The following E4F1 variants were observed in gnomAD, a reference collection of about 807,000 sequenced individuals.
E4F1 encodes E4F transcription factor 1.
Under a neutral mutation model 72.9 loss-of-function variants are expected in E4F1, and 30 were observed. The ratio of observed to expected loss-of-function variants is 0.41; its 90% CI spans 0.31 to 0.56. The LOEUF is 0.56. Among genes scored for constraint, E4F1 ranks in the 20% least tolerant of loss-of-function variants. The pLI is 0.25. For missense variants in E4F1, 1,091 were observed against 1,117.5 expected (o/e 0.98, Z 0.34); for synonymous variants, 542 against 478.2 (o/e 1.13, Z -1.74).
Position 2,232,865 on chromosome 16 carries a change from T to C in E4F1, c.840T>C (p.Ser280=), listed in dbSNP as rs748279043. The C allele has an allele frequency of 6.8e-6, 11 of 1,613,228 alleles. No individual in the cohort carries two copies. Among genetic ancestry groups the C allele is most frequent in the Admixed American group, 1.7e-5 (1 of 59,998 alleles). Residue 280 remains serine, a synonymous_variant, in exon 6 of 14, where the codon AGT becomes AGC. Transcript: ENST00000301727. ...CCTGCACAGAGAAAATCCGCTTCAG[T>C]GTGAGCAAGGACGTGGTTGTCAGCA... ...LTPCTEKIRF[S]VSKDVVVSKE... is the part of the protein sequence containing the mutation.
Position 2,233,601 on chromosome 16 carries a change from T to G in E4F1, c.1220T>G (p.Val407Gly). ...AAGSSPQPLA[V>G]AAPQLPVLEV... ...GGGTCCAGTCCCCAGCCCCTGGCAG[T>G]GGCAGCCCCGCAGCTGCCGGTACTG... Residue 407 changes from valine (V) to glycine (G), a missense_variant, in exon 8 of 14, where the codon GTG becomes GGG. By Grantham distance (109) the Val-to-Gly change is moderately radical. Transcript: ENST00000301727. The G allele has an allele frequency of 1.3e-6, 2 of 1,509,414 alleles. No homozygotes were observed. Among genetic ancestry groups the G allele is most frequent in the Non-Finnish European group, 8.9e-7 (1 of 1,127,710 alleles). The allele number at this position is 1,509,414 out of a possible 1,614,324, so 93.5% of individuals were successfully genotyped here. A position where few individuals can be genotyped will look rare whatever the true frequency, so the allele number is the denominator to read the frequency against.
At chr16:2,234,116 C>T (rs1555479284) in intron 9 of E4F1, 55 bp from the exon 10 acceptor site, 15 of 1,587,914 alleles carry the variant, frequency 9.4e-6, no homozygotes, top group South Asian at 3.4e-5. Context: ...AGGTGGCAGG[C>T]GGCCTGGCGG....
At chr16:2,226,032 G>T (rs1353906521) in intron 1 of E4F1, among the ~76,000 whole-genome samples, 1 of 151,980 alleles carries the variant, frequency 6.6e-6, no homozygotes, top group Non-Finnish European at 1.5e-5. Context: ...GGCAGAGCTT[G>T]CAGTGAGCTG....
Position 2,228,411 on chromosome 16 carries a change from A to G in E4F1, c.197A>G (p.Glu66Gly). The change falls in exon 2 of 14, where the codon GAG becomes GGG. Residue 66 changes from glutamate to glycine, a missense_variant. Glu to Gly is a moderately conservative substitution (Grantham distance 98). Transcript: ENST00000301727. ...CACAGATGCGGCCGCTGCCAGGCAG[A>G]GTTCACCGCCTTGGAGGATTTTGTT... Reference protein sequence around the residue: ...DVHRCGRCQAEFTALEDFVQH... With the variant: ...DVHRCGRCQAGFTALEDFVQH... 1 of 1,613,806 alleles carries G rather than the reference A, an allele frequency of 6.2e-7. No homozygotes were observed. Among genetic ancestry groups the G allele is most frequent in the Non-Finnish European group, 8.5e-7 (1 of 1,180,022 alleles).
intron 1 of E4F1, among the ~76,000 whole-genome samples, chr16:2,227,703 A>G (rs2093440334): frequency 6.6e-6 from 1 of 151,542 alleles, no homozygotes; most frequent in Non-Finnish European, 1.5e-5. Flanking sequence ...ATTTCACCAT[A>G]TTGGTCAGGC....
chr16:2,231,323 C>T (rs35436732), intron 3 of E4F1: 6,595 of 152,462 alleles, frequency 0.043, 196 homozygotes, highest in East Asian at 0.066. Context: ...TCCCCCAGGT[C>T]CTCCCCATCA....
intron 1 of E4F1, among the ~76,000 whole-genome samples, chr16:2,225,567 G>A (rs2093426252): frequency 6.6e-6 from 1 of 150,492 alleles, no homozygotes; most frequent in Non-Finnish European, 1.5e-5. Flanking sequence ...TCCGCCTCCC[G>A]GGTTCAAGCT....
At chr16:2,228,160 G>C in intron 1 of E4F1, 1 of 645,332 alleles carries the variant, frequency 1.5e-6, no homozygotes, top group Non-Finnish European at 2.8e-6. Context: ...CTGAGGGTGG[G>C]TCTGGCCCCT....
Position 2,223,711 on chromosome 16 carries a change from T to TGGCGGCGGCCTTGGCCCCCAGC in E4F1, c.102_123dup (p.Phe42GlyfsTer20). The TGGCGGCGGCCTTGGCCCCCAGC allele has an allele frequency of 6.4e-7, 1 of 1,559,882 alleles. No homozygotes were observed. Among genetic ancestry groups the TGGCGGCGGCCTTGGCCCCCAGC allele is most frequent in the Non-Finnish European group, 8.6e-7 (1 of 1,163,638 alleles). On this transcript the variant is annotated frameshift_variant, in exon 1 of 14. Coordinates refer to ENST00000301727, the MANE Select transcript of E4F1 (RefSeq NM_004424.5). LOFTEE classifies it high-confidence loss of function. ...GCGGGCGAGGGTGCAGTTGCGGCGG[T>TGGCGGCGGCCTTGGCCCCCAGC]GGCGGCGGCCTTGGCCCCCAGCGGC...
At chr16:2,227,861 G>T (rs1477256424) in intron 1 of E4F1, among the ~76,000 whole-genome samples, 2 of 134,494 alleles carry the variant, frequency 1.5e-5, no homozygotes, top group African/African-American at 5.5e-5. Flanking sequence ...GATGGGTCTT[G>T]CTATGTTGAC....
chr16:2,235,524 C>T lies in E4F1; in HGVS notation c.2307C>T (p.Val769=), dbSNP rs773486881. ...IEILEHAGEL[V]IASPEGQLEV... is the part of the protein sequence containing the mutation. The stretch of plus-strand genomic sequence containing the variant: ...TCCTGGAGCATGCAGGCGAGCTGGT[C>T]ATCGCCTCGCCGGAGGGCCAGCTGG... Residue 769 remains valine (V), a synonymous_variant, in exon 14 of 14, where the codon GTC becomes GTT. Coordinates refer to ENST00000301727, the MANE Select transcript of E4F1 (RefSeq NM_004424.5). 9 of 1,606,016 alleles carry T rather than the reference C, an allele frequency of 5.6e-6. No individual in the cohort carries two copies. The highest frequency in any genetic ancestry group is 4.5e-5 in the East Asian group (2 of 44,606).
Position 2,233,618 on chromosome 16 carries a change from C to T in E4F1, c.1237C>T (p.Pro413Ser). The T allele has an allele frequency of 1.3e-6, 2 of 1,515,678 alleles. No individual in the cohort carries two copies. Among genetic ancestry groups the T allele is most frequent in the South Asian group, 1.2e-5 (1 of 81,928 alleles). The allele number at this position is 1,515,678 out of a possible 1,614,324, so 93.9% of individuals were successfully genotyped here. The change falls in exon 8 of 14, where the codon CCG (proline) becomes TCG (serine). Residue 413 changes from proline to serine, a missense_variant. Physicochemically the swap from Pro to Ser is moderately conservative, Grantham distance 74. Around this residue, in one of 5 missense-constraint regions of E4F1, gnomAD observed 622 missense variants for 628.0 expected, o/e 0.99. Transcript: ENST00000301727. ...QPLAVAAPQL[P>S]VLEVQPLETQ... ...CCTGGCAGTGGCAGCCCCGCAGCTG[C>T]CGGTACTGGAAGTGCAGCCGCTGGA...
In E4F1 at chr16:2,232,440, A is replaced by G; in HGVS notation, c.610-16A>G. 6.2e-7 allele frequency: 1 copy of G among 1,608,892 alleles called. No individual in the cohort carries two copies. The highest frequency in any genetic ancestry group is 8.5e-7 in the Non-Finnish European group (1 of 1,178,160). ...TCCCCCAGGAGGGCCCTGAGCTGCC[A>G]CGCCCTCCCCCACAGGGCAGCATCC... On this transcript the variant is annotated splice_polypyrimidine_tract_variant and intron_variant, in intron 4 of 13. Transcript: ENST00000301727.
At chr16:2,224,801 C>T (rs1337392151) in intron 1 of E4F1, among the ~76,000 whole-genome samples, 1 of 151,742 alleles carries the variant, frequency 6.6e-6, no homozygotes, top group East Asian at 2.0e-4. Flanking sequence ...AGAAAATGAC[C>T]AGGGTCACCC....
chr16:2,227,177 C>G (rs1596754936), intron 1 of E4F1, among the ~76,000 whole-genome samples: 2 of 152,002 alleles, frequency 1.3e-5, no homozygotes, highest in African/African-American at 4.8e-5. Flanking sequence ...CAGGTGCATG[C>G]CGCCACACTT....
At chr16:2,232,932 C>G (rs1317237411) in intron 6 of E4F1, 24 bp downstream of exon 6, 3 of 1,613,040 alleles carry the variant, frequency 1.9e-6, no homozygotes, top group Non-Finnish European at 1.7e-6. Context: ...GGGCAGCTGC[C>G]TGGTCCTGGG....
intron 10 of E4F1, 75 bp from the exon 11 acceptor site, chr16:2,234,508 G>A: frequency 8.4e-6 from 13 of 1,553,958 alleles, no homozygotes; most frequent in South Asian, 3.5e-5. Context: ...CCCCTCCCTT[G>A]GGCCACAGGC....
intron 1 of E4F1, among the ~76,000 whole-genome samples, chr16:2,226,087 C>T (rs868199898): frequency 5.9e-5 from 9 of 151,482 alleles, no homozygotes; most frequent in South Asian, 4.2e-4. Context: ...AGCGAGACTC[C>T]GCCTTGAAAG....
chr16:2,234,883 A>G lies in E4F1; in HGVS notation c.1817A>G (p.Glu606Gly). The change falls in exon 12 of 14, where the codon GAG becomes GGG. Residue 606 changes from glutamate to glycine, a missense_variant. Transcript: ENST00000301727. ...TKGGCLLEVE[E>G]LLVSEDSPAA... ...GGGGGCTGCCTGCTGGAGGTGGAGG[A>G]GTTGCTGGTGTCTGAGGACAGCCCC... The G allele has an allele frequency of 6.4e-7, 1 of 1,550,478 alleles. No homozygotes were observed. The highest frequency in any genetic ancestry group is 2.0e-5 in the Admixed American group (1 of 51,048).
Sources: allele counts gnomAD v4.1 joint callset (sites outside exome capture counted in the v4.1 genomes callset), GRCh38; gene constraint gnomAD v4.1.1; regional missense constraint gnomAD v4.1.1; transcripts MANE v1.5; gene names NCBI Gene and HGNC (gene_info 2026-07-23, HGNC 2026-07-21).